SEMA4D: variants seen among roughly 807,000 people sequenced by gnomAD.
SEMA4D encodes the protein semaphorin-4D.
SEMA4D carries 22 observed loss-of-function variants against 74.8 expected under a neutral mutation model. The ratio of observed to expected loss-of-function variants is 0.29; its 90% CI spans 0.21 to 0.42. SEMA4D has a LOEUF of 0.42. Among genes scored for constraint, SEMA4D ranks in the 10% least tolerant of loss-of-function variants. SEMA4D has a pLI of 1.00. For missense variants in SEMA4D, 937 were observed against 1,118.4 expected (o/e 0.84, Z 2.31); for synonymous variants, 445 against 463.7 (o/e 0.96, Z 0.52).
intron 2 of SEMA4D, chr9:89,449,414 G>A: frequency 1.9e-6 from 1 of 538,736 alleles, no homozygotes; most frequent in African/African-American, 1.9e-5. Flanking sequence ...GATGCTCTTA[G>A]AAGTCACGCT....
At chr9:89,473,402 T>G (rs1860924736) in intron 1 of SEMA4D, among the ~76,000 whole-genome samples, 1 of 150,832 alleles carries the variant, frequency 6.6e-6, no homozygotes, top group East Asian at 2.0e-4. Flanking sequence ...CAGCAAGACC[T>G]CATCTAGAGG....
At chr9:89,487,347 G>A (rs969089547) in intron 1 of SEMA4D, among the ~76,000 whole-genome samples, 1 of 151,984 alleles carries the variant, frequency 6.6e-6, no homozygotes, top group African/African-American at 2.4e-5. Flanking sequence ...ACCTACTCAT[G>A]ATAAAAGCTC....
At chr9:89,436,996 T>C (rs1850575035) in intron 2 of SEMA4D, among the ~76,000 whole-genome samples, 1 of 152,204 alleles carries the variant, frequency 6.6e-6, no homozygotes, top group South Asian at 2.1e-4. Flanking sequence ...ATGTCCAGCC[T>C]TGGACTCAGG....
At chr9:89,426,467 GC>G (rs546411807) in intron 2 of SEMA4D, among the ~76,000 whole-genome samples, 259 of 152,304 alleles carry the variant, frequency 1.7e-3, no homozygotes, top group African/African-American at 5.9e-3. Context: ...CCAGGACATG[GC>G]TTTTGCCAGC....
At chr9:89,399,248 T>C in intron 5 of SEMA4D, 28 bp downstream of exon 5, 1 of 1,594,924 alleles carries the variant, frequency 6.3e-7, no homozygotes, top group Non-Finnish European at 8.6e-7. Flanking sequence ...TTGAATGGGA[T>C]TCTTTGTAGC....
At chr9:89,362,079 A>C (rs1588041258) in exon 19 of SEMA4D, 4 of 526,130 alleles carry the variant, frequency 7.6e-6, no homozygotes, top group Non-Finnish European at 1.4e-5. Flanking sequence ...ACCTGCACAC[A>C]CCCTGCTGTT....
At chr9:89,447,873 G>A (rs1350961044) in intron 2 of SEMA4D, among the ~76,000 whole-genome samples, 2 of 152,170 alleles carry the variant, frequency 1.3e-5, no homozygotes, top group African/African-American at 4.8e-5. Flanking sequence ...TGCATACGGT[G>A]CTCCTCCCCA....
In SEMA4D at chr9:89,467,314, G is replaced by A. The variant is rs117137750; in HGVS notation, c.-309-11361C>T. ...AACACACACATCTGATGCTCCCTCC[G>A]AGGTCCCTATACCACAGCATCCTTT... On this transcript the variant is annotated intron_variant, in intron 1 of 15. Transcript: ENST00000422704. Among the ~76,000 whole-genome samples, 66 of 152,094 alleles carry A rather than the reference G, an allele frequency of 4.3e-4. 1 individual carries two copies. The South Asian group carries it at 9.6e-3, about 22-fold the overall frequency.
chr9:89,363,956 G>GACAC, intron 16 of SEMA4D: 1 of 1,614,026 alleles, frequency 6.2e-7, no homozygotes, highest in Non-Finnish European at 8.5e-7. Flanking sequence ...AGGACCTGGG[G>GACAC]ACACAGACCG....
chr9:89,450,755 G>A, intron 2 of SEMA4D: 4 of 1,324,878 alleles, frequency 3.0e-6, no homozygotes, highest in Non-Finnish European at 4.1e-6. Flanking sequence ...TGGGGACCAA[G>A]GTGGGTCCCA....
chr9:89,364,173 AT>A, intron 16 of SEMA4D: 1 of 879,450 alleles, frequency 1.1e-6, no homozygotes, highest in Non-Finnish European at 1.7e-6. Flanking sequence ...TTTGACCTTA[AT>A]TGCCATTTTT....
At chr9:89,453,463 C>A (rs78814120) in intron 2 of SEMA4D, among the ~76,000 whole-genome samples, 1 of 152,244 alleles carries the variant, frequency 6.6e-6, no homozygotes, top group Admixed American at 6.5e-5. Context: ...TCTCTGAGGA[C>A]GCAGAGCCCT....
intron 3 of SEMA4D, 126 bp from the exon 4 acceptor site, chr9:89,403,142 C>T (rs1414104302): frequency 8.9e-6 from 10 of 1,124,712 alleles, no homozygotes; most frequent in East Asian, 5.1e-5. Flanking sequence ...AGTCATGTCT[C>T]GAGGGCCATG....
chr9:89,385,124 G>T, intron 13 of SEMA4D: 1 of 924,740 alleles, frequency 1.1e-6, no homozygotes, highest in Non-Finnish European at 1.3e-6. Context: ...AGTTCTGGGA[G>T]ATGGCGGGTG....
At chr9:89,452,038 G>A (rs1044076366) in intron 2 of SEMA4D, among the ~76,000 whole-genome samples, 2 of 152,184 alleles carry the variant, frequency 1.3e-5, no homozygotes, top group Non-Finnish European at 2.9e-5. Flanking sequence ...GCCACTGATA[G>A]GAGGAGGTGC....
At chr9:89,396,975 G>T in intron 5 of SEMA4D, 140 bp from the exon 6 acceptor site, 2 of 698,826 alleles carry the variant, frequency 2.9e-6, no homozygotes, top group Non-Finnish European at 5.0e-6. Context: ...GGCCAACGAG[G>T]CATGTGTGCA....
At chr9:89,387,136 G>A in intron 12 of SEMA4D, 1 of 460,434 alleles carries the variant, frequency 2.2e-6, no homozygotes, top group Non-Finnish European at 3.9e-6. Context: ...CCCCAGCCCA[G>A]CCCAGCCACA....
intron 2 of SEMA4D, among the ~76,000 whole-genome samples, chr9:89,422,257 T>G (rs928359370): frequency 2.0e-5 from 3 of 152,242 alleles, no homozygotes; most frequent in Admixed American, 1.3e-4. Context: ...GGTGAATTCC[T>G]CATTCTAAGA....
At chr9:89,448,788 A>C (rs1853601020) in intron 2 of SEMA4D, among the ~76,000 whole-genome samples, 1 of 152,226 alleles carries the variant, frequency 6.6e-6, no homozygotes, top group African/African-American at 2.4e-5. Flanking sequence ...GCCCGGCCAG[A>C]TGTGGAAGTG....
Sources: gnomAD v4.1 joint callset for allele counts (sites outside exome capture counted in the v4.1 genomes callset) on GRCh38, gnomAD v4.1.1 for gene constraint, MANE v1.5 for transcripts, NCBI Gene and HGNC (gene_info 2026-07-23, HGNC 2026-07-21) for gene names.